Variants in HGF observed in about 807,000 individuals in gnomAD.
HGF encodes hepatocyte growth factor.
HGF carries 39 observed loss-of-function variants against 111.6 expected under a neutral mutation model. That is an observed-to-expected ratio of 0.35 (90% confidence interval 0.27 to 0.46). The LOEUF (loss-of-function observed/expected upper bound fraction) is 0.46. Ranked by LOEUF, HGF falls within the 20% of genes least tolerant of loss-of-function variation. The pLI is 1.00. For synonymous variants in HGF, 285 were observed against 294.8 expected (o/e 0.97, Z 0.34); for missense variants, 735 against 910.5 (o/e 0.81, Z 2.48).
In HGF at chr7:81,717,424, A is replaced by C. The variant is rs975056997; in HGVS notation, c.1272-59T>G. On this transcript the variant is annotated intron_variant, in intron 10 of 17. Transcript: ENST00000222390. ...TGCTCATTCCATCCAAGAGACACAAAATATTACAAAAAGATATAATCTCAG... is the reference window on the plus strand; with the variant it reads ...TGCTCATTCCATCCAAGAGACACAACATATTACAAAAAGATATAATCTCAG... 15 of 1,464,374 alleles carry C rather than the reference A, an allele frequency of 1.0e-5. No individual in the cohort carries two copies. In the African/African-American group the frequency reaches 1.4e-4, roughly 14 times the overall value. 90.7% of individuals were successfully genotyped at this position (1,464,374 alleles called of 1,614,324 possible). A position where few individuals can be genotyped will look rare whatever the true frequency, so the allele number is the denominator to read the frequency against.
chr7:81,747,030 G>A (rs1788285304), intron 5 of HGF, among the ~76,000 whole-genome samples: 1 of 152,122 alleles, frequency 6.6e-6, no homozygotes, highest in Non-Finnish European at 1.5e-5. Flanking sequence ...CAACTTTCTA[G>A]ATAACAGGAT....
In HGF at chr7:81,760,179, G is replaced by A. The variant is rs189824515; in HGVS notation, c.255-1375C>T. On this transcript the variant is annotated intron_variant, in intron 2 of 17. Coordinates refer to ENST00000222390, the MANE Select transcript of HGF (RefSeq NM_000601.6). ...CTTTTAGAGTCTTTATCTTAACATC[G>A]TTCTAGTTGTAATCTTTTCCACAGC... Among the ~76,000 whole-genome samples the A allele has an allele frequency of 7.9e-5, 12 of 152,216 alleles. No homozygotes were observed. The East Asian group carries it at 2.1e-3, about 27-fold the overall frequency.
Position 81,752,282 on chromosome 7 carries a change from C to T in HGF, c.483-20G>A, listed in dbSNP as rs753665030. On this transcript the variant is annotated intron_variant, in intron 4 of 17. Transcript: ENST00000222390. ...AAAAAGCTAGTTTTAAAATGATAAT[C>T]ATTACAGTATAAGAGCATGCAACTT... The T allele has an allele frequency of 2.5e-6, 4 of 1,611,380 alleles. No homozygotes were observed. The highest frequency in any genetic ancestry group is 2.2e-5 in the South Asian group (2 of 90,990).
chr7:81,759,076 A>C (rs915429669), intron 2 of HGF, among the ~76,000 whole-genome samples: 2 of 152,206 alleles, frequency 1.3e-5, no homozygotes, highest in African/African-American at 4.8e-5. Flanking sequence ...AGGCTTGTAG[A>C]AAAATAACAG....
intron 7 of HGF, among the ~76,000 whole-genome samples, chr7:81,739,476 C>G (rs1335838142): frequency 1.3e-5 from 2 of 152,078 alleles, no homozygotes; most frequent in Non-Finnish European, 1.5e-5. Flanking sequence ...TATAGAGATA[C>G]AATTATCAGT....
intron 5 of HGF, among the ~76,000 whole-genome samples, chr7:81,746,631 T>C (rs10224143): frequency 0.012 from 1,818 of 152,218 alleles, 38 homozygotes; most frequent in African/African-American, 0.041. Context: ...TCTACTCTTG[T>C]ATAGTACTCA....
Position 81,729,591 on chromosome 7 carries a change from C to A in HGF, c.1040+14G>T. On this transcript the variant is annotated intron_variant, in intron 8 of 17. Coordinates refer to ENST00000222390, the MANE Select transcript of HGF (RefSeq NM_000601.6). ...GGCCTACTGAAATGTATAACATTTG[C>A]CTACTTTACTCACTTGCACTTGAAA... The A allele has an allele frequency of 6.3e-7, 1 of 1,599,050 alleles. No homozygotes were observed. Among genetic ancestry groups the A allele is most frequent in the Non-Finnish European group, 8.6e-7 (1 of 1,166,438 alleles).
At chr7:81,733,610 C>A (rs1442256603) in intron 7 of HGF, among the ~76,000 whole-genome samples, 1 of 151,860 alleles carries the variant, frequency 6.6e-6, no homozygotes, top group Non-Finnish European at 1.5e-5. Flanking sequence ...AGAAGTCACC[C>A]CATAAATAAA....
intron 5 of HGF, 42 bp from the exon 6 acceptor site, chr7:81,745,162 C>G (rs1279615284): frequency 7.5e-6 from 12 of 1,606,902 alleles, no homozygotes; most frequent in Non-Finnish European, 1.0e-5. Context: ...TTTCTGACAG[C>G]AAAATCAAAA....
chr7:81,743,260 G>A (rs1562892072), intron 7 of HGF, 93 bp downstream of exon 7: 3 of 823,478 alleles, frequency 3.6e-6, no homozygotes, highest in Admixed American at 3.4e-5. Context: ...AAAGCATCAA[G>A]TTAAATAGTT....
At chr7:81,753,254 C>T (rs1190861925) in intron 4 of HGF, among the ~76,000 whole-genome samples, 1 of 151,982 alleles carries the variant, frequency 6.6e-6, no homozygotes, top group East Asian at 1.9e-4. Flanking sequence ...TTGGACTCAA[C>T]AATTAGATAT....
chr7:81,760,475 G>A (rs1789010391), intron 2 of HGF, among the ~76,000 whole-genome samples: 1 of 152,056 alleles, frequency 6.6e-6, no homozygotes, highest in African/African-American at 2.4e-5. Flanking sequence ...GTCACAGATG[G>A]TTTCGCACAC....
At chr7:81,746,097 G>A (rs182277299) in intron 5 of HGF, among the ~76,000 whole-genome samples, 7 of 152,276 alleles carry the variant, frequency 4.6e-5, no homozygotes, top group Non-Finnish European at 8.8e-5. Flanking sequence ...TTTATCCAAC[G>A]GAATCTAGCC....
intron 11 of HGF, among the ~76,000 whole-genome samples, chr7:81,713,623 G>A (rs1400887900): frequency 6.6e-6 from 1 of 151,886 alleles, no homozygotes; most frequent in African/African-American, 2.4e-5. Context: ...CTCTAATCCA[G>A]TATTTCTCAC....
At chr7:81,750,818 G>GTTT (rs11378661) in intron 5 of HGF, 6 of 301,132 alleles carry the variant, frequency 2.0e-5, no homozygotes, top group African/African-American at 2.3e-5. Context: ...TAAAAGTAGG[G>GTTT]TTTTTTTTCT....
rs1291459390 is a variant in HGF, at chr7:81,736,531, A to G, written c.866-6752T>C. On this transcript the variant is annotated intron_variant, in intron 7 of 17. Coordinates refer to ENST00000222390, the MANE Select transcript of HGF (RefSeq NM_000601.6). ...TAATTTATAAATTAAACTTTATCATAAGAATATATGGAGATGATACAGTAA... is the reference window on the plus strand; with the variant it reads ...TAATTTATAAATTAAACTTTATCATGAGAATATATGGAGATGATACAGTAA... 2.6e-5 allele frequency among the ~76,000 whole-genome samples: 4 copies of G among 152,098 alleles called. No homozygotes were observed. In the East Asian group the frequency reaches 7.7e-4, roughly 29 times the overall value.
intron 8 of HGF, among the ~76,000 whole-genome samples, chr7:81,726,359 G>T (rs1790010406): frequency 6.6e-6 from 1 of 151,988 alleles, no homozygotes; most frequent in Admixed American, 6.6e-5. Context: ...CAAAACATTG[G>T]CCTGTTATTT....
At position 81,699,536 on chromosome 7, in the gene HGF, T is replaced by G; in HGVS notation, c.*3045A>C. 6.6e-6 allele frequency: 1 copy of G among 151,778 alleles called. No individual in the cohort carries two copies. The highest frequency in any genetic ancestry group is 1.9e-4 in the East Asian group (1 of 5,168). 9.4% of individuals were successfully genotyped at this position (151,778 alleles called of 1,614,324 possible). A position where few individuals can be genotyped will look rare whatever the true frequency, so the allele number is the denominator to read the frequency against. On this transcript the variant is annotated 3_prime_UTR_variant, in exon 18 of 18. Coordinates refer to ENST00000222390, the MANE Select transcript of HGF (RefSeq NM_000601.6). ...ATTTTTTGAATCTCAATAAATTGAT[T>G]TAAGGCTTTTTAGTATAAGATCTTA...
chr7:81,714,924 A>G (rs991298284), intron 11 of HGF, among the ~76,000 whole-genome samples: 5 of 152,142 alleles, frequency 3.3e-5, no homozygotes, highest in Admixed American at 6.5e-5. Context: ...AATTTGTGGT[A>G]TACATTGAAA....
Sources: allele counts gnomAD v4.1 joint callset (sites outside exome capture counted in the v4.1 genomes callset), GRCh38; gene constraint gnomAD v4.1.1; transcripts MANE v1.5; gene names NCBI Gene and HGNC (gene_info 2026-07-23, HGNC 2026-07-21).